Variants in ZBTB7C observed in about 807,000 individuals in gnomAD.
ZBTB7C encodes the protein zinc finger and BTB domain-containing protein 7C.
A neutral mutation model predicts 25.7 loss-of-function variants in ZBTB7C; 8 were observed. The observed-to-expected ratio is 0.31, with a 90% confidence interval of 0.18 to 0.56. The LOEUF is 0.56. ZBTB7C is among the 20% of genes least tolerant of loss of function. The pLI, the probability that ZBTB7C is intolerant of heterozygous loss-of-function variation, is 0.91. For synonymous variants in ZBTB7C, 394 were observed against 369.0 expected, an observed-to-expected ratio of 1.07 and a Z score of -0.78; for missense variants, 824 against 855.2, an observed-to-expected ratio of 0.96 and a Z score of 0.46.
intron 1 of ZBTB7C, among the ~76,000 whole-genome samples, chr18:48,367,936 A>G (rs1376999503): frequency 1.3e-5 from 2 of 151,444 alleles, no homozygotes; most frequent in South Asian, 2.1e-4. Flanking sequence ...CCTGGCAGTA[A>G]TAACATGGTG....
intron 2 of ZBTB7C, among the ~76,000 whole-genome samples, chr18:48,278,054 C>T (rs1299449919): frequency 6.6e-6 from 1 of 152,116 alleles, no homozygotes; most frequent in Non-Finnish European, 1.5e-5. Flanking sequence ...CAGCAATCTC[C>T]TATCAAAAGG....
At chr18:48,300,777 A>G (rs536490652) in intron 2 of ZBTB7C, among the ~76,000 whole-genome samples, 1 of 152,380 alleles carries the variant, frequency 6.6e-6, no homozygotes, top group Non-Finnish European at 1.5e-5. Flanking sequence ...GTGAGGCAGC[A>G]GACAGGCAGG....
At chr18:48,341,900 G>A (rs962692751) in intron 1 of ZBTB7C, among the ~76,000 whole-genome samples, 9 of 152,200 alleles carry the variant, frequency 5.9e-5, no homozygotes, top group African/African-American at 1.7e-4. Context: ...TTGGTGGGGG[G>A]CCTCCCTCCA....
chr18:48,289,383 G>T (rs1366908605), intron 2 of ZBTB7C, among the ~76,000 whole-genome samples: 3 of 152,046 alleles, frequency 2.0e-5, no homozygotes, highest in African/African-American at 7.2e-5. Context: ...ATGGTTGGAT[G>T]ATCTGTGGAA....
intron 1 of ZBTB7C, among the ~76,000 whole-genome samples, chr18:48,361,219 G>A (rs749066997): frequency 6.6e-6 from 1 of 152,136 alleles, no homozygotes; most frequent in Admixed American, 6.5e-5. Context: ...GAACACAACC[G>A]CTTTATGCAA....
At chr18:48,387,110 C>A (rs1262742418) in intron 1 of ZBTB7C, among the ~76,000 whole-genome samples, 1 of 152,118 alleles carries the variant, frequency 6.6e-6, no homozygotes, top group Non-Finnish European at 1.5e-5. Flanking sequence ...TAAGCAAAAA[C>A]CAGGATGGGG....
chr18:48,061,806 G>A (rs1257095193), intron 3 of ZBTB7C, among the ~76,000 whole-genome samples: 1 of 152,284 alleles, frequency 6.6e-6, no homozygotes, highest in African/African-American at 2.4e-5. Context: ...GAGCCTGGAG[G>A]TTCACATCAC....
intron 3 of ZBTB7C, among the ~76,000 whole-genome samples, chr18:48,063,670 A>G (rs1252031826): frequency 6.6e-6 from 1 of 151,186 alleles, no homozygotes; most frequent in Non-Finnish European, 1.5e-5. Flanking sequence ...TCTCAACAAG[A>G]AGTGGTCTAG....
chr18:48,066,184 G>A (rs1282101382), intron 3 of ZBTB7C, among the ~76,000 whole-genome samples: 1 of 152,216 alleles, frequency 6.6e-6, no homozygotes, highest in African/African-American at 2.4e-5. Flanking sequence ...GACTGGGCTA[G>A]TGCCCACCCT....
At chr18:48,144,782 C>T (rs2040450896) in intron 3 of ZBTB7C, among the ~76,000 whole-genome samples, 1 of 152,090 alleles carries the variant, frequency 6.6e-6, no homozygotes, top group South Asian at 2.1e-4. Context: ...ATTGGGGAGT[C>T]CATGGGAGAG....
At chr18:48,335,137 T>C (rs1366390609) in intron 2 of ZBTB7C, among the ~76,000 whole-genome samples, 1 of 152,216 alleles carries the variant, frequency 6.6e-6, no homozygotes, top group Non-Finnish European at 1.5e-5. Flanking sequence ...CCCCTCCTTA[T>C]TTGTGCTGGC....
At chr18:48,134,549 C>T (rs2040089044) in intron 3 of ZBTB7C, among the ~76,000 whole-genome samples, 1 of 152,196 alleles carries the variant, frequency 6.6e-6, no homozygotes, top group South Asian at 2.1e-4. Context: ...GACTTGGGTT[C>T]TAGTCTTGGC....
chr18:48,208,805 T>C (rs1309797900), intron 2 of ZBTB7C, among the ~76,000 whole-genome samples: 1 of 152,222 alleles, frequency 6.6e-6, no homozygotes, highest in African/African-American at 2.4e-5. Flanking sequence ...CTTTCCTGAC[T>C]TAATTTGTGA....
At chr18:48,258,786 G>A (rs937268659) in intron 2 of ZBTB7C, among the ~76,000 whole-genome samples, 4 of 134,762 alleles carry the variant, frequency 3.0e-5, no homozygotes, top group Admixed American at 1.4e-4. Flanking sequence ...AGCCTCCTGA[G>A]TAACTGGGAT....
intron 2 of ZBTB7C, among the ~76,000 whole-genome samples, chr18:48,278,443 C>CTT (rs538246350): frequency 6.9e-6 from 1 of 145,940 alleles, no homozygotes; most frequent in Non-Finnish European, 1.5e-5. Context: ...TCTTTTTTTT[C>CTT]TTTTTTTTTT....
At chr18:48,397,041 T>C (rs2048043794) in intron 1 of ZBTB7C, among the ~76,000 whole-genome samples, 1 of 152,210 alleles carries the variant, frequency 6.6e-6, no homozygotes. Flanking sequence ...GAGATATTGG[T>C]CAATGAATAA....
chr18:48,345,519 G>A (rs1308500299), intron 1 of ZBTB7C, among the ~76,000 whole-genome samples: 11 of 152,022 alleles, frequency 7.2e-5, no homozygotes, highest in Non-Finnish European at 1.5e-5. Flanking sequence ...CACTTCTGTT[G>A]TGCTTTCCTG....
At chr18:48,136,049 G>A (rs2040144988) in intron 3 of ZBTB7C, among the ~76,000 whole-genome samples, 1 of 152,218 alleles carries the variant, frequency 6.6e-6, no homozygotes, top group South Asian at 2.1e-4. Context: ...CGGCGTGGGG[G>A]ACCCGACGCT....
At chr18:48,070,899 A>G (rs887362567) in intron 3 of ZBTB7C, among the ~76,000 whole-genome samples, 3 of 152,076 alleles carry the variant, frequency 2.0e-5, no homozygotes, top group Admixed American at 6.6e-5. Flanking sequence ...GTCCCAGCCA[A>G]TCTCAAAACC....
Sources: allele counts gnomAD v4.1 joint callset (sites outside exome capture counted in the v4.1 genomes callset), GRCh38; gene constraint gnomAD v4.1.1; transcripts MANE v1.5; gene names NCBI Gene and HGNC (gene_info 2026-07-23, HGNC 2026-07-21).